ATP8A2: variants seen among roughly 807,000 people sequenced by gnomAD.
The protein encoded by ATP8A2 is ATPase phospholipid transporting 8A2, also known as phospholipid-transporting ATPase IB.
In ATP8A2, 100 loss-of-function variants were observed where a neutral mutation model predicts 165.6. The ratio of observed to expected loss-of-function variants is 0.60; its 90% confidence interval spans 0.51 to 0.71. The LOEUF (loss-of-function observed/expected upper bound fraction) is 0.71, where lower values mean the gene tolerates loss of function less well. Ranked by LOEUF, ATP8A2 falls within the 30% of genes least tolerant of loss-of-function variation. The pLI is 0.00. For missense variants in ATP8A2, 1,227 were observed against 1,479.5 expected, an observed-to-expected ratio of 0.83 and a Z score of 2.80; for synonymous variants, 543 against 548.8, an observed-to-expected ratio of 0.99 and a Z score of 0.15.
chr13:25,578,272 A>G (rs2039673203), intron 20 of ATP8A2, among the ~76,000 whole-genome samples: 1 of 152,204 alleles, frequency 6.6e-6, no homozygotes, highest in African/African-American at 2.4e-5. Flanking sequence ...AACACATTTG[A>G]TGGATTATCT....
At chr13:25,693,709 A>G (rs1358217550) in intron 24 of ATP8A2, among the ~76,000 whole-genome samples, 1 of 151,276 alleles carries the variant, frequency 6.6e-6, no homozygotes, top group Non-Finnish European at 1.5e-5. Context: ...TTTTTATTTT[A>G]TTTATTTATT....
At chr13:26,000,113 G>A (rs1371745446) in intron 35 of ATP8A2, among the ~76,000 whole-genome samples, 3 of 152,178 alleles carry the variant, frequency 2.0e-5, no homozygotes, top group Admixed American at 1.3e-4. Flanking sequence ...AAGCAGGTTA[G>A]AATGTTAACA....
At chr13:25,531,271 G>GTTATATATGATATATATGTTATATATT (rs1566229268) in intron 4 of ATP8A2, among the ~76,000 whole-genome samples, 1 of 98,998 alleles carries the variant, frequency 1.0e-5, no homozygotes, top group Non-Finnish European at 2.0e-5. Context: ...TGATATATAT[G>GTTATATATGATATATATGTTATATATT]ATATATATGT....
At chr13:25,444,372 C>T (rs1263140919) in intron 1 of ATP8A2, among the ~76,000 whole-genome samples, 4 of 151,878 alleles carry the variant, frequency 2.6e-5, no homozygotes, top group Non-Finnish European at 4.4e-5. Flanking sequence ...TTTTTGTGGA[C>T]GTAACTTTTA....
chr13:25,881,038 C>G (rs1420355936), intron 33 of ATP8A2: 2 of 406,922 alleles, frequency 4.9e-6, no homozygotes, highest in Non-Finnish European at 9.9e-6. Flanking sequence ...ATATTTATTG[C>G]TGGAGGTATT....
At chr13:25,394,756 C>T (rs899932866) in intron 1 of ATP8A2, among the ~76,000 whole-genome samples, 4 of 152,184 alleles carry the variant, frequency 2.6e-5, no homozygotes, top group Non-Finnish European at 5.9e-5. Flanking sequence ...AAAAACAGAA[C>T]ATAAATTTCC....
At chr13:25,448,203 A>G (rs1593320209) in intron 1 of ATP8A2, among the ~76,000 whole-genome samples, 1 of 152,312 alleles carries the variant, frequency 6.6e-6, no homozygotes, top group East Asian at 1.9e-4. Context: ...GGTACCTTCA[A>G]AATATGCTCT....
intron 13 of ATP8A2, 117 bp from the exon 14 acceptor site, chr13:25,558,856 T>C: frequency 1.6e-6 from 1 of 616,180 alleles, no homozygotes; most frequent in Non-Finnish European, 2.7e-6. Flanking sequence ...TTTGCTTGCT[T>C]TAGGGAAATC....
chr13:25,947,545 G>A (rs373001889), intron 33 of ATP8A2, among the ~76,000 whole-genome samples: 1 of 152,080 alleles, frequency 6.6e-6, no homozygotes, highest in South Asian at 2.1e-4. Flanking sequence ...AGGCCAAGAG[G>A]GTCTCCAGGA....
intron 27 of ATP8A2, among the ~76,000 whole-genome samples, chr13:25,819,565 A>G (rs1951115075): frequency 6.6e-6 from 1 of 151,432 alleles, no homozygotes; most frequent in South Asian, 2.1e-4. Context: ...TTTCATTTCC[A>G]TATTTATAAA....
At chr13:25,914,865 G>T (rs1282184862) in intron 33 of ATP8A2, among the ~76,000 whole-genome samples, 1 of 152,186 alleles carries the variant, frequency 6.6e-6, no homozygotes, top group Admixed American at 6.5e-5. Context: ...CCAAGCCATG[G>T]CTTTCACATG....
At chr13:25,698,698 C>T (rs2042886992) in intron 24 of ATP8A2, among the ~76,000 whole-genome samples, 1 of 152,094 alleles carries the variant, frequency 6.6e-6, no homozygotes, top group Non-Finnish European at 1.5e-5. Context: ...CAGCTTATTT[C>T]TTACGCTGGC....
intron 1 of ATP8A2, among the ~76,000 whole-genome samples, chr13:25,431,789 A>G (rs1457497048): frequency 6.6e-6 from 1 of 152,216 alleles, no homozygotes; most frequent in Non-Finnish European, 1.5e-5. Flanking sequence ...CATTAAATTC[A>G]TTTTAGTATA....
chr13:25,957,869 T>C (rs1167552346), intron 33 of ATP8A2, among the ~76,000 whole-genome samples: 4 of 152,156 alleles, frequency 2.6e-5, no homozygotes, highest in Admixed American at 6.5e-5. Flanking sequence ...CCAACCCAAA[T>C]GCCCATCAAT....
intron 3 of ATP8A2, 103 bp from the exon 4 acceptor site, chr13:25,530,459 C>G: frequency 1.4e-6 from 1 of 700,702 alleles, no homozygotes; most frequent in East Asian, 2.7e-5. Context: ...AGAAATGGAA[C>G]AGAACTGCAA....
At chr13:25,931,816 G>GAA (rs1218742970) in intron 33 of ATP8A2, among the ~76,000 whole-genome samples, 1 of 152,116 alleles carries the variant, frequency 6.6e-6, no homozygotes, top group African/African-American at 2.4e-5. Context: ...GGAGGCCGAG[G>GAA]CGGGCGTTTC....
chr13:25,643,568 G>A (rs912110587), intron 24 of ATP8A2, among the ~76,000 whole-genome samples: 1 of 152,010 alleles, frequency 6.6e-6, no homozygotes, highest in Non-Finnish European at 1.5e-5. Context: ...CACCAGTGTT[G>A]AAATCAATTG....
At chr13:25,570,574 G>A (rs1382493933) in intron 16 of ATP8A2, among the ~76,000 whole-genome samples, 193 bp from the exon 17 acceptor site, 8 of 152,150 alleles carry the variant, frequency 5.3e-5, no homozygotes, top group African/African-American at 1.4e-4. Context: ...GGATTAGTGC[G>A]CGTCAGGAGA....
At chr13:25,835,369 G>A (rs978374429) in intron 28 of ATP8A2, among the ~76,000 whole-genome samples, 1 of 152,094 alleles carries the variant, frequency 6.6e-6, no homozygotes, top group Non-Finnish European at 1.5e-5. Flanking sequence ...TTCTGCTGTG[G>A]ACTGAAGGAA....
Sources: allele counts gnomAD v4.1 joint callset (sites outside exome capture counted in the v4.1 genomes callset), GRCh38; gene constraint gnomAD v4.1.1; transcripts MANE v1.5; gene names NCBI Gene and HGNC (gene_info 2026-07-23, HGNC 2026-07-21).